Variants in APBB2 observed in about 807,000 individuals in gnomAD.
APBB2 encodes the protein Fe65-like 1.
APBB2 carries 38 observed loss-of-function variants against 82.5 expected under a neutral mutation model. That is an observed-to-expected ratio of 0.46 (90% CI 0.36 to 0.60). The LOEUF (loss-of-function observed/expected upper bound fraction) is 0.60. Among genes scored for constraint, APBB2 ranks in the 20% least tolerant of loss-of-function variants. APBB2 has a pLI of 0.00. For synonymous variants in APBB2, 341 were observed against 368.2 expected (o/e 0.93, Z 0.85); for missense variants, 772 against 972.3 (o/e 0.79, Z 2.74).
intron 7 of APBB2, among the ~76,000 whole-genome samples, chr4:40,938,389 G>A (rs1354531638): frequency 1.3e-5 from 2 of 152,148 alleles, no homozygotes; most frequent in Non-Finnish European, 2.9e-5. Flanking sequence ...AGCACCACAC[G>A]GAAGCTGTGT....
At chr4:41,163,992 A>C (rs1765843619) in intron 1 of APBB2, among the ~76,000 whole-genome samples, 1 of 152,212 alleles carries the variant, frequency 6.6e-6, no homozygotes, top group Non-Finnish European at 1.5e-5. Context: ...AAAAGTCTAT[A>C]AGATCTATAA....
intron 10 of APBB2, among the ~76,000 whole-genome samples, chr4:40,904,709 G>GAA (rs1299888950): frequency 4.8e-4 from 65 of 136,730 alleles, no homozygotes; most frequent in Non-Finnish European, 7.7e-5. Flanking sequence ...TTTAAATACT[G>GAA]AAATGCTTTT....
chr4:41,025,936 C>A (rs2154435566), intron 5 of APBB2, among the ~76,000 whole-genome samples: 1 of 113,566 alleles, frequency 8.8e-6, no homozygotes, highest in East Asian at 2.7e-4. Context: ...AGTGAGACTC[C>A]ATCTCCACAA....
intron 6 of APBB2, among the ~76,000 whole-genome samples, chr4:40,975,964 C>A (rs1471522746): frequency 1.3e-5 from 2 of 150,950 alleles, no homozygotes; most frequent in Non-Finnish European, 3.0e-5. Flanking sequence ...TACTCAAATG[C>A]TTTTTTTTTC....
chr4:41,213,396 C>T (rs1434063393), intron 1 of APBB2, among the ~76,000 whole-genome samples: 2 of 152,126 alleles, frequency 1.3e-5, no homozygotes, highest in Non-Finnish European at 1.5e-5. Context: ...CAATTTTAAC[C>T]CTCCTCAACC....
chr4:40,936,434 T>A (rs1378848129), intron 7 of APBB2, among the ~76,000 whole-genome samples: 1 of 152,142 alleles, frequency 6.6e-6, no homozygotes, highest in Non-Finnish European at 1.5e-5. Context: ...TTAAAACTTT[T>A]TTGTTGAGAT....
chr4:41,202,045 A>G (rs963574385), intron 1 of APBB2, among the ~76,000 whole-genome samples: 3 of 152,320 alleles, frequency 2.0e-5, no homozygotes, highest in Middle Eastern at 6.8e-3. Flanking sequence ...ACATGCCCCC[A>G]GGAGCTTCAG....
intron 12 of APBB2, among the ~76,000 whole-genome samples, chr4:40,840,263 T>C (rs916961239): frequency 1.3e-5 from 2 of 152,222 alleles, no homozygotes; most frequent in African/African-American, 4.8e-5. Flanking sequence ...GGTGTAATTA[T>C]AGGGTTCCTG....
chr4:40,822,890 A>G (rs550356687), intron 16 of APBB2, among the ~76,000 whole-genome samples: 1 of 152,260 alleles, frequency 6.6e-6, no homozygotes, highest in South Asian at 2.1e-4. Flanking sequence ...TGGAGGGTGC[A>G]GTGCTTGCGA....
chr4:41,183,465 G>T (rs1285511211), intron 1 of APBB2, among the ~76,000 whole-genome samples: 2 of 152,154 alleles, frequency 1.3e-5, no homozygotes, highest in Admixed American at 1.3e-4. Context: ...GATGTAATTA[G>T]TTAAGATGAG....
chr4:40,945,170 C>A, intron 6 of APBB2, 97 bp from the exon 7 acceptor site: 1 of 848,378 alleles, frequency 1.2e-6, no homozygotes. Context: ...GCAGACGTGT[C>A]CATAGTCCAA....
rs115076240 is a variant in APBB2, at chr4:40,952,857, G to A, written c.836-7784C>T. Among the ~76,000 whole-genome samples the A allele has an allele frequency of 3.7e-3, 558 of 152,282 alleles. 4 individuals carry two copies. The highest frequency in any genetic ancestry group is 0.014 in the Middle Eastern group (4 of 294). On this transcript the variant is annotated intron_variant, in intron 6 of 17. Coordinates refer to ENST00000508593, the MANE Select transcript of APBB2 (RefSeq NM_004307.2). ...CTGACGCCACTAGGTGCTGTATCAC[G>A]CGCCCTGTGTCCTTCGTTGCAGGAG...
intron 2 of APBB2, among the ~76,000 whole-genome samples, chr4:41,128,218 T>C (rs1180107455): frequency 6.6e-6 from 1 of 152,196 alleles, no homozygotes; most frequent in Non-Finnish European, 1.5e-5. Context: ...CACAATGATA[T>C]ACTGTCTTAT....
At chr4:41,101,232 AG>A (rs1303497181) in intron 2 of APBB2, among the ~76,000 whole-genome samples, 1 of 151,906 alleles carries the variant, frequency 6.6e-6, no homozygotes, top group Non-Finnish European at 1.5e-5. Flanking sequence ...TGGGAGGCCG[AG>A]GCGGGTGGAT....
At chr4:40,959,131 G>T (rs540703384) in intron 6 of APBB2, among the ~76,000 whole-genome samples, 77 of 152,276 alleles carry the variant, frequency 5.1e-4, no homozygotes, top group African/African-American at 1.8e-3. Context: ...TGATTATATG[G>T]ACATTAAGCT....
intron 10 of APBB2, among the ~76,000 whole-genome samples, chr4:40,900,094 G>A (rs16852598): frequency 2.0e-5 from 3 of 152,166 alleles, no homozygotes; most frequent in African/African-American, 7.2e-5. Flanking sequence ...GTTAGAAAAC[G>A]AAAAGAGTTC....
chr4:41,151,826 T>C (rs1247376531), intron 1 of APBB2, among the ~76,000 whole-genome samples: 1 of 152,052 alleles, frequency 6.6e-6, no homozygotes, highest in Non-Finnish European at 1.5e-5. Context: ...TGAATTTTTT[T>C]ATTTATATGT....
At chr4:40,983,824 G>T (rs1249716807) in intron 6 of APBB2, among the ~76,000 whole-genome samples, 1 of 152,118 alleles carries the variant, frequency 6.6e-6, no homozygotes, top group Non-Finnish European at 1.5e-5. Flanking sequence ...TGTTCCTCCC[G>T]CCTCGGCCTC....
At chr4:40,955,107 A>G (rs1791250518) in intron 6 of APBB2, among the ~76,000 whole-genome samples, 1 of 152,244 alleles carries the variant, frequency 6.6e-6, no homozygotes, top group Admixed American at 6.5e-5. Context: ...CTGGGAATAC[A>G]GCAATAAATA....
Sources: gnomAD v4.1 joint callset for allele counts (sites outside exome capture counted in the v4.1 genomes callset) on GRCh38, gnomAD v4.1.1 for gene constraint, MANE v1.5 for transcripts, NCBI Gene and HGNC (gene_info 2026-07-23, HGNC 2026-07-21) for gene names.